CLUAP1: variants seen among roughly 807,000 people sequenced by gnomAD.
CLUAP1 encodes clusterin-associated protein 1.
A neutral mutation model predicts 55.0 loss-of-function variants in CLUAP1; 50 were observed. The observed-to-expected ratio is 0.91, with a 90% confidence interval of 0.72 to 1.15. The LOEUF (loss-of-function observed/expected upper bound fraction) is 1.15. Ranked by LOEUF, CLUAP1 falls within the 50% of genes most tolerant of loss-of-function variation. CLUAP1 has a pLI of 0.00. For missense variants in CLUAP1, 530 were observed against 507.6 expected, an observed-to-expected ratio of 1.04 and a Z score of -0.42; for synonymous variants, 195 against 175.4, an observed-to-expected ratio of 1.11 and a Z score of -0.88.
At chr16:3,522,124 C>T (rs1259862101) in intron 7 of CLUAP1, among the ~76,000 whole-genome samples, 3 of 151,962 alleles carry the variant, frequency 2.0e-5, no homozygotes, top group Non-Finnish European at 4.4e-5. Context: ...TAGAGGATTG[C>T]TTTAAATTTA....
At chr16:3,523,422 A>G (rs2037878393) in intron 8 of CLUAP1, 123 bp downstream of exon 8, 1 of 1,171,992 alleles carries the variant, frequency 8.5e-7, no homozygotes, top group Admixed American at 2.5e-5. Context: ...CTCCCTGGTC[A>G]GTCTGAGGAT....
intron 11 of CLUAP1, chr16:3,533,460 G>A (rs1567443395): frequency 5.0e-6 from 2 of 403,720 alleles, no homozygotes; most frequent in East Asian, 9.3e-5. Context: ...CTGTGCTGGG[G>A]ACGGAATGGT....
At chr16:3,515,633 G>A (rs1348817436) in intron 6 of CLUAP1, 42 bp downstream of exon 6, 2 of 1,365,636 alleles carry the variant, frequency 1.5e-6, no homozygotes, top group African/African-American at 1.5e-5. Flanking sequence ...TTATGCCTGG[G>A]ATTCAAAAAT....
Position 3,508,066 on chromosome 16 carries a change from T to C in CLUAP1, c.220-223T>C, listed in dbSNP as rs540835093. Among the ~76,000 whole-genome samples, 3 of 152,282 alleles carry C rather than the reference T, an allele frequency of 2.0e-5. No homozygotes were observed. The East Asian group carries it at 5.8e-4, about 29-fold the overall frequency. ...GATTTGGGATTGCTGGGTCAAAAGA[T>C]ATGTGCATTTGTAATTTTGATGTCT... On this transcript the variant is annotated intron_variant, in intron 3 of 11. Transcript: ENST00000576634.
At chr16:3,521,844 CAG>C (rs1398136797) in intron 7 of CLUAP1, among the ~76,000 whole-genome samples, 1 of 151,840 alleles carries the variant, frequency 6.6e-6, no homozygotes, top group East Asian at 1.9e-4. Flanking sequence ...CGCTTGAACT[CAG>C]GGGTTCAAGA....
intron 6 of CLUAP1, among the ~76,000 whole-genome samples, chr16:3,517,082 C>T (rs1275072154): frequency 6.6e-6 from 1 of 151,564 alleles, no homozygotes; most frequent in African/African-American, 2.4e-5. Flanking sequence ...AGGAGCAGGT[C>T]ATTCACACAG....
intron 6 of CLUAP1, among the ~76,000 whole-genome samples, chr16:3,518,558 T>G (rs1178053997): frequency 6.6e-6 from 1 of 152,222 alleles, no homozygotes; most frequent in African/African-American, 2.4e-5. Flanking sequence ...TAAGGTGGGA[T>G]AAATTTACTA....
rs2037552717 is a variant in CLUAP1 at position 3,508,466 on chromosome 16, A to G, written c.397A>G (p.Lys133Glu). ...CAAGTTCAAGTTTGATCTTGGCTCA[A>G]AGGTAAGGACAACAAAAGCCTTGTA... ...VNKFKFDLGS[K>E]IADLKAARQL... Residue 133 changes from lysine to glutamate, a missense_variant and splice_region_variant, in exon 4 of 12, where the codon AAG becomes GAG. Physicochemically the swap from Lys to Glu is moderately conservative, Grantham distance 56 (BLOSUM62 1). Transcript: ENST00000576634. The G allele has an allele frequency of 3.2e-6, 5 of 1,570,698 alleles. No homozygotes were observed. The highest frequency in any genetic ancestry group is 4.3e-6 in the Non-Finnish European group (5 of 1,167,376).
chr16:3,535,629 G>A (rs751977262), intron 11 of CLUAP1: 2 of 151,300 alleles, frequency 1.3e-5, no homozygotes, highest in African/African-American at 4.9e-5. Context: ...GTGCAATCTC[G>A]GCTCACTGCA....
chr16:3,501,162 G>A, intron 1 of CLUAP1, 73 bp downstream of exon 1: 3 of 1,457,164 alleles, frequency 2.1e-6, no homozygotes, highest in Non-Finnish European at 2.8e-6. Flanking sequence ...CGGGTCCCCT[G>A]TGTAGGCGAT....
chr16:3,520,095 G>T, intron 7 of CLUAP1, 59 bp downstream of exon 7: 1 of 1,488,984 alleles, frequency 6.7e-7, no homozygotes, highest in South Asian at 1.4e-5. Flanking sequence ...CAAACAAACT[G>T]GGCGTGGTGG....
chr16:3,506,934 C>T (rs900770616), intron 3 of CLUAP1, among the ~76,000 whole-genome samples: 4 of 152,068 alleles, frequency 2.6e-5, no homozygotes, highest in African/African-American at 7.2e-5. Flanking sequence ...TGGTGGCTCA[C>T]GCCTGTAATC....
At chr16:3,504,170 T>C (rs992257629) in intron 1 of CLUAP1, among the ~76,000 whole-genome samples, 11 of 152,162 alleles carry the variant, frequency 7.2e-5, no homozygotes, top group African/African-American at 2.2e-4. Flanking sequence ...AACCACTCTA[T>C]TTAAGATTTC....
chr16:3,531,539 TAAAAC>T (rs1487537398), intron 10 of CLUAP1, among the ~76,000 whole-genome samples: 2 of 151,454 alleles, frequency 1.3e-5, no homozygotes. Context: ...AAAAAAGAGT[TAAAAC>T]AAAAAAAGAC....
At chr16:3,515,735 A>G (rs2037718160) in intron 6 of CLUAP1, 144 bp downstream of exon 6, 1 of 495,422 alleles carries the variant, frequency 2.0e-6, no homozygotes, top group Non-Finnish European at 3.5e-6. Flanking sequence ...AGGACATTCG[A>G]GCTTACCTAG....
chr16:3,529,451 T>TAATATA (rs2038015308), intron 9 of CLUAP1, among the ~76,000 whole-genome samples: 1 of 57,028 alleles, frequency 1.8e-5, no homozygotes, highest in Non-Finnish European at 3.3e-5. Context: ...ATATTATATA[T>TAATATA]TATTATATAT....
intron 4 of CLUAP1, among the ~76,000 whole-genome samples, chr16:3,511,121 G>A (rs982923843): frequency 1.3e-5 from 2 of 152,196 alleles, no homozygotes; most frequent in Admixed American, 1.3e-4. Flanking sequence ...AAAGCAGCTA[G>A]AGCCAGAGCA....
In CLUAP1 at chr16:3,526,459, A is replaced by G. The variant is rs1291385814; in HGVS notation, c.903A>G (p.Glu301=). The change falls in exon 9 of 12, where the codon GAA becomes GAG. Residue 301 remains glutamate, a synonymous_variant. Transcript: ENST00000576634. ...TGATACAGAACAAGCTCAAGGAGGAAGAGAAGCGCCTGCTCAAGAGTGGAA... is the reference window on the plus strand; with the variant it reads ...TGATACAGAACAAGCTCAAGGAGGAGGAGAAGCGCCTGCTCAAGAGTGGAA... ...LCLIQNKLKE[E]EKRLLKSGSN... is the part of the protein sequence containing the mutation. The G allele has an allele frequency of 1.2e-6, 2 of 1,609,066 alleles. No individual in the cohort carries two copies. The highest frequency in any genetic ancestry group is 1.1e-5 in the South Asian group (1 of 89,908).
chr16:3,512,415 G>A lies in CLUAP1; in HGVS notation c.432G>A (p.Ala144=), dbSNP rs564836103. Residue 144 remains alanine, a synonymous_variant, in exon 5 of 12, where the codon GCG becomes GCA. Coordinates refer to ENST00000576634, the MANE Select transcript of CLUAP1 (RefSeq NM_015041.3). Reference sequence around the variant, plus strand: ...ATTTGAAGGCAGCCAGGCAGCTTGCGTCTGAAATCACCTCCAAAGGAGCAT... The same window carrying A: ...ATTTGAAGGCAGCCAGGCAGCTTGCATCTGAAATCACCTCCAAAGGAGCAT... ...IADLKAARQL[A]SEITSKGASL... 300 of 1,614,014 alleles carry A rather than the reference G, an allele frequency of 1.9e-4. 7 individuals carry two copies. In the South Asian group the frequency reaches 2.9e-3, roughly 16 times the overall value.
Sources: gnomAD v4.1 joint callset for allele counts (sites outside exome capture counted in the v4.1 genomes callset) on GRCh38, gnomAD v4.1.1 for gene constraint, MANE v1.5 for transcripts, NCBI Gene and HGNC (gene_info 2026-07-23, HGNC 2026-07-21) for gene names.